The following PATJ variants were observed in gnomAD, a reference collection of about 807,000 sequenced individuals.
PATJ encodes the protein inaD-like protein.
Under a neutral mutation model 224.9 loss-of-function variants are expected in PATJ, and 190 were observed. That is an observed-to-expected ratio of 0.84 (90% CI 0.75 to 0.95). PATJ has a LOEUF of 0.95. Ranked by LOEUF, PATJ falls within the 40% of genes least tolerant of loss-of-function variation. The pLI is 0.00. For synonymous variants in PATJ, 769 were observed against 820.3 expected (o/e 0.94, Z 1.07); for missense variants, 2,121 against 2,270.3 (o/e 0.93, Z 1.34).
At chr1:61,991,289 T>C (rs947359629) in intron 28 of PATJ, among the ~76,000 whole-genome samples, 1 of 152,082 alleles carries the variant, frequency 6.6e-6, no homozygotes, top group Non-Finnish European at 1.5e-5. Context: ...ACAAAGTAAA[T>C]GATGGTGTTA....
intron 14 of PATJ, among the ~76,000 whole-genome samples, chr1:61,821,292 G>A (rs1379200140): frequency 5.9e-5 from 9 of 151,884 alleles, no homozygotes; most frequent in African/African-American, 1.7e-4. Context: ...TGATCCTCCC[G>A]CTCGGCCTCC....
chr1:61,792,868 G>A (rs1650189430), intron 9 of PATJ, among the ~76,000 whole-genome samples: 2 of 152,098 alleles, frequency 1.3e-5, no homozygotes, highest in Non-Finnish European at 2.9e-5. Context: ...TTTGGACTGG[G>A]TAATTAGGGG....
intron 7 of PATJ, among the ~76,000 whole-genome samples, chr1:61,779,325 G>A (rs1481749384): frequency 6.6e-6 from 1 of 152,214 alleles, no homozygotes; most frequent in Non-Finnish European, 1.5e-5. Context: ...TTGTGTTTGA[G>A]ATCTATAGGG....
intron 27 of PATJ, among the ~76,000 whole-genome samples, chr1:61,965,022 G>C (rs1052198756): frequency 1.4e-5 from 2 of 147,936 alleles, no homozygotes; most frequent in African/African-American, 2.5e-5. Context: ...TGAGGTGAGA[G>C]AATTGCTTGA....
chr1:62,106,182 ATATATG>A (rs1226404911), intron 33 of PATJ, among the ~76,000 whole-genome samples: 1 of 108,086 alleles, frequency 9.3e-6, no homozygotes, highest in East Asian at 2.1e-4. Context: ...ATATATATAT[ATATATG>A]GCTGGGCACA....
At chr1:61,774,119 C>CAAAAAAA (rs35357345) in intron 6 of PATJ, among the ~76,000 whole-genome samples, 3 of 68,840 alleles carry the variant, frequency 4.4e-5, no homozygotes, top group African/African-American at 6.3e-5. Context: ...GACTCCATCT[C>CAAAAAAA]AAAAAAAAAA....
chr1:62,136,657 GTGTGTGTC>G (rs780073906), intron 41 of PATJ, among the ~76,000 whole-genome samples: 8,416 of 43,156 alleles, frequency 0.2, 396 homozygotes, highest in East Asian at 0.35. Context: ...GCGTGTGTGT[GTGTGTGTC>G]TGTGTGTGTG....
intron 14 of PATJ, among the ~76,000 whole-genome samples, chr1:61,810,215 A>G (rs950727078): frequency 9.2e-5 from 14 of 152,004 alleles, no homozygotes; most frequent in African/African-American, 3.1e-4. Flanking sequence ...CTGCATCTTG[A>G]GTCACTTCAT....
chr1:62,066,389 T>TC (rs1656430725), intron 31 of PATJ, among the ~76,000 whole-genome samples: 1 of 140,104 alleles, frequency 7.1e-6, no homozygotes, highest in East Asian at 2.7e-4. Flanking sequence ...TGTGGGAACT[T>TC]TTTTTTTTTT....
intron 27 of PATJ, among the ~76,000 whole-genome samples, chr1:61,952,591 C>T (rs1008925702): frequency 6.6e-6 from 1 of 152,194 alleles, no homozygotes; most frequent in Non-Finnish European, 1.5e-5. Flanking sequence ...TAGAAACAAA[C>T]CCCTGCAATT....
Position 61,908,379 on chromosome 1 carries a change from G to A in PATJ, c.3389G>A (p.Gly1130Glu). 6.2e-7 allele frequency: 1 copy of A among 1,611,124 alleles called. No homozygotes were observed. Among genetic ancestry groups the A allele is most frequent in the Non-Finnish European group, 8.5e-7 (1 of 1,177,336 alleles). The change falls in exon 25 of 44, where the codon GGA becomes GAA. Residue 1130 changes from glycine to glutamate, a missense_variant. Gly to Glu is a moderately conservative substitution (Grantham distance 98). Transcript: ENST00000642238. ...KTGDKILEVS[G>E]VDLQNASHSE... is the part of the protein sequence containing the mutation. ...CTTGCTTCTGTGTTTCAGGTGTCTG[G>A]AGTAGATTTGCAGAATGCCTCACAC...
intron 15 of PATJ, among the ~76,000 whole-genome samples, chr1:61,824,926 G>A (rs1397756691): frequency 2.0e-5 from 3 of 152,134 alleles, no homozygotes; most frequent in South Asian, 2.1e-4. Context: ...GCTATAATAA[G>A]GTAGTGTGAA....
chr1:61,985,905 C>T (rs1644730935), intron 27 of PATJ, among the ~76,000 whole-genome samples: 1 of 151,990 alleles, frequency 6.6e-6, no homozygotes, highest in African/African-American at 2.4e-5. Context: ...TAAAACTCGA[C>T]ATAACTATAT....
chr1:61,851,225 T>C (rs1369839331), intron 17 of PATJ, among the ~76,000 whole-genome samples: 1 of 152,238 alleles, frequency 6.6e-6, no homozygotes, highest in Non-Finnish European at 1.5e-5. Flanking sequence ...AAACTAATTC[T>C]AGAAGGTCAA....
chr1:62,088,684 C>T (rs929986063), intron 33 of PATJ, among the ~76,000 whole-genome samples: 2 of 151,956 alleles, frequency 1.3e-5, no homozygotes, highest in African/African-American at 4.8e-5. Flanking sequence ...CACAGTAAGC[C>T]ACTGCCCATG....
intron 27 of PATJ, among the ~76,000 whole-genome samples, chr1:61,935,721 G>A (rs1424024158): frequency 6.6e-6 from 1 of 151,894 alleles, no homozygotes; most frequent in Non-Finnish European, 1.5e-5. Context: ...AACCTGGGAG[G>A]TCAAGGTTAC....
chr1:61,861,763 T>C, intron 19 of PATJ, 96 bp downstream of exon 19: 1 of 569,542 alleles, frequency 1.8e-6, no homozygotes, highest in Non-Finnish European at 3.1e-6. Flanking sequence ...AAGCTTGTCC[T>C]TATCCTTTGG....
chr1:61,958,909 C>G (rs1291756469), intron 27 of PATJ, among the ~76,000 whole-genome samples: 1 of 152,078 alleles, frequency 6.6e-6, no homozygotes, highest in African/African-American at 2.4e-5. Flanking sequence ...TTTGTTAGGG[C>G]AGATAAAACC....
chr1:61,810,848 C>T (rs564562940), intron 14 of PATJ, among the ~76,000 whole-genome samples: 2 of 151,876 alleles, frequency 1.3e-5, no homozygotes, highest in Non-Finnish European at 2.9e-5. Flanking sequence ...CACTTGAACC[C>T]GGGAGGCGGA....
Sources: gnomAD v4.1 joint callset for allele counts (sites outside exome capture counted in the v4.1 genomes callset) on GRCh38, gnomAD v4.1.1 for gene constraint, MANE v1.5 for transcripts, NCBI Gene and HGNC (gene_info 2026-07-23, HGNC 2026-07-21) for gene names.